The following HECW1 variants were observed in gnomAD, a reference collection of about 807,000 sequenced individuals.
HECW1 encodes E3 ubiquitin-protein ligase HECW1.
In HECW1, 61 loss-of-function variants were observed where a neutral mutation model predicts 182.3. The ratio of observed to expected loss-of-function variants is 0.33; its 90% CI spans 0.27 to 0.41. HECW1 has a LOEUF of 0.41. Among genes scored for constraint, HECW1 ranks in the 10% least tolerant of loss-of-function variants. The pLI is 1.00. For missense variants in HECW1, 1,739 were observed against 2,108.9 expected (o/e 0.82, Z 3.44); for synonymous variants, 859 against 832.6 (o/e 1.03, Z -0.55).
intron 5 of HECW1, 27 bp from the exon 6 acceptor site, chr7:43,360,859 C>CA: frequency 6.5e-7 from 1 of 1,548,716 alleles, no homozygotes. Flanking sequence ...CCCTACTTCT[C>CA]AGTCTCATTT....
Position 43,132,174 on chromosome 7 carries a change from G to A in HECW1, c.-32+17783G>A, listed in dbSNP as rs111365106. Among the ~76,000 whole-genome samples, 21 of 125,716 alleles carry A rather than the reference G, an allele frequency of 1.7e-4. No individual in the cohort carries two copies. In the East Asian group the frequency reaches 2.7e-3, roughly 16 times the overall value. The allele number at this position is 125,716 out of a possible 152,430, so 82.5% of individuals were successfully genotyped here. A position where few individuals can be genotyped will look rare whatever the true frequency, so the allele number is the denominator to read the frequency against. The stretch of plus-strand genomic sequence containing the variant: ...ACACAGCCCCTCACAGCGCCCCCCC[G>A]CCCCAAGTAAGGTTTTGGTGTTTCT... On this transcript the variant is annotated intron_variant, in intron 2 of 29. Coordinates refer to ENST00000395891, the MANE Select transcript of HECW1 (RefSeq NM_015052.5).
At chr7:43,326,749 G>A (rs764209213) in intron 5 of HECW1, among the ~76,000 whole-genome samples, 1 of 152,246 alleles carries the variant, frequency 6.6e-6, no homozygotes, top group Admixed American at 6.5e-5. Context: ...AGAGTTTTCT[G>A]TGGGGAAACC....
At chr7:43,470,479 A>G (rs561586032) in intron 16 of HECW1, among the ~76,000 whole-genome samples, 8 of 152,276 alleles carry the variant, frequency 5.3e-5, no homozygotes, top group Non-Finnish European at 1.2e-4. Flanking sequence ...AGGCTTCCCA[A>G]TGCAATAAGC....
intron 24 of HECW1, among the ~76,000 whole-genome samples, chr7:43,525,722 A>G (rs2080730747): frequency 6.6e-6 from 1 of 152,242 alleles, no homozygotes; most frequent in African/African-American, 2.4e-5. Flanking sequence ...ACTAATGATC[A>G]GGAATATCAT....
chr7:43,195,577 G>A (rs1283775364), intron 2 of HECW1, among the ~76,000 whole-genome samples: 2 of 152,136 alleles, frequency 1.3e-5, no homozygotes, highest in East Asian at 3.9e-4. Flanking sequence ...TGGCACCATT[G>A]ATACTGGTGG....
intron 19 of HECW1, among the ~76,000 whole-genome samples, chr7:43,500,118 T>C (rs1033656035): frequency 4.6e-5 from 7 of 151,730 alleles, no homozygotes; most frequent in African/African-American, 1.7e-4. Flanking sequence ...TTTTTTTTTT[T>C]GAGATGAAGT....
intron 4 of HECW1, among the ~76,000 whole-genome samples, chr7:43,313,494 CG>C (rs1396291369): frequency 1.3e-5 from 2 of 151,950 alleles, no homozygotes; most frequent in African/African-American, 4.8e-5. Flanking sequence ...TGTGCCACCA[CG>C]CCTGGCTAGT....
intron 2 of HECW1, among the ~76,000 whole-genome samples, chr7:43,231,376 C>G (rs1470869566): frequency 6.6e-6 from 1 of 152,194 alleles, no homozygotes; most frequent in Non-Finnish European, 1.5e-5. Context: ...TTGATTTCCA[C>G]CAAGGCATGT....
chr7:43,256,093 T>C (rs1201728610), intron 3 of HECW1, among the ~76,000 whole-genome samples: 1 of 152,190 alleles, frequency 6.6e-6, no homozygotes, highest in Non-Finnish European at 1.5e-5. Context: ...TCTTCTATTA[T>C]TGGATAGGTA....
At chr7:43,144,913 A>G (rs984574755) in intron 2 of HECW1, among the ~76,000 whole-genome samples, 3 of 152,196 alleles carry the variant, frequency 2.0e-5, no homozygotes, top group Non-Finnish European at 4.4e-5. Context: ...AACCTTTTAC[A>G]TTCTATTTTC....
At chr7:43,117,152 A>G (rs889108189) in intron 2 of HECW1, among the ~76,000 whole-genome samples, 3 of 152,216 alleles carry the variant, frequency 2.0e-5, no homozygotes, top group Admixed American at 6.5e-5. Flanking sequence ...CAGTGGTGGA[A>G]AAAGTATGCA....
chr7:43,275,870 C>T (rs1327827116), intron 3 of HECW1, among the ~76,000 whole-genome samples: 1 of 152,134 alleles, frequency 6.6e-6, no homozygotes, highest in Non-Finnish European at 1.5e-5. Context: ...CACAGGCCAC[C>T]TCTGGTGATT....
intron 19 of HECW1, among the ~76,000 whole-genome samples, chr7:43,494,969 T>C (rs1354437461): frequency 2.6e-5 from 4 of 152,158 alleles, no homozygotes; most frequent in Non-Finnish European, 5.9e-5. Flanking sequence ...ATGACTTCCC[T>C]ATTAAGGACA....
chr7:43,207,085 C>T (rs892479989), intron 2 of HECW1, among the ~76,000 whole-genome samples: 4 of 152,162 alleles, frequency 2.6e-5, no homozygotes, highest in South Asian at 2.1e-4. Flanking sequence ...CTTGCTCTGT[C>T]GCCCAGGCTG....
At chr7:43,362,733 C>T (rs1257937485) in intron 6 of HECW1, among the ~76,000 whole-genome samples, 3 of 152,214 alleles carry the variant, frequency 2.0e-5, no homozygotes. Flanking sequence ...AGCAGGAAGG[C>T]ACTGAGCACA....
intron 4 of HECW1, among the ~76,000 whole-genome samples, chr7:43,316,735 G>A (rs1015134095): frequency 1.4e-4 from 12 of 84,214 alleles, no homozygotes; most frequent in Non-Finnish European, 2.9e-4. Flanking sequence ...TTGGCCCACA[G>A]CATCCATTCC....
At chr7:43,258,292 G>T (rs574218900) in intron 3 of HECW1, among the ~76,000 whole-genome samples, 1 of 151,716 alleles carries the variant, frequency 6.6e-6, no homozygotes, top group South Asian at 2.1e-4. Context: ...GCAGTGAGCC[G>T]AGATTGTACC....
intron 4 of HECW1, 118 bp downstream of exon 4, chr7:43,312,205 T>A: frequency 1.1e-6 from 1 of 948,362 alleles, no homozygotes; most frequent in Non-Finnish European, 1.6e-6. Flanking sequence ...TGCCAGATTC[T>A]AACACACTGA....
intron 3 of HECW1, among the ~76,000 whole-genome samples, chr7:43,285,250 A>AC (rs1010956627): frequency 1.1e-4 from 17 of 151,958 alleles, no homozygotes; most frequent in Non-Finnish European, 1.8e-4. Flanking sequence ...TCAGGGTCTC[A>AC]CCTGTGGAGC....
Sources: gnomAD v4.1 joint callset for allele counts (sites outside exome capture counted in the v4.1 genomes callset) on GRCh38, gnomAD v4.1.1 for gene constraint, MANE v1.5 for transcripts, NCBI Gene and HGNC (gene_info 2026-07-23, HGNC 2026-07-21) for gene names.